Variants in ZSCAN1 observed in about 807,000 individuals in gnomAD.
The protein encoded by ZSCAN1 is zinc finger and SCAN domain-containing protein 1.
In ZSCAN1, 23 loss-of-function variants were observed where a neutral mutation model predicts 23.8. That is an observed-to-expected ratio of 0.97 (90% CI 0.70 to 1.37). The LOEUF (loss-of-function observed/expected upper bound fraction) is 1.37, where lower values mean the gene tolerates loss of function less well. Among genes scored for constraint, ZSCAN1 ranks in the 40% most tolerant of loss-of-function variants. ZSCAN1 has a pLI of 0.00. For missense variants in ZSCAN1, 575 were observed against 554.0 expected, an observed-to-expected ratio of 1.04 and a Z score of -0.38; for synonymous variants, 236 against 232.3, an observed-to-expected ratio of 1.02 and a Z score of -0.15.
chr19:58,052,564 C>G lies in ZSCAN1; in HGVS notation c.540C>G (p.Thr180=), dbSNP rs2073864380. ...AGGAAAGTGAGTGGCTGGAGACTAC[C>G]CAGCTCCAGCAGAGTCTGCACACCA... ...LPEESEWLET[T]QLQQSLHTRA... is the part of the protein sequence containing the mutation. The change falls in exon 5 of 6, where the codon ACC becomes ACG. Residue 180 remains threonine, a synonymous_variant. Coordinates refer to ENST00000282326, the MANE Select transcript of ZSCAN1 (RefSeq NM_182572.4). 1 of 1,613,724 alleles carries G rather than the reference C, an allele frequency of 6.2e-7. No homozygotes were observed. The highest frequency in any genetic ancestry group is 1.3e-5 in the African/African-American group (1 of 74,938).
Position 58,051,383 on chromosome 19 carries a change from C to A in ZSCAN1, c.466-1107C>A, listed in dbSNP as rs550793176. Reference sequence around the variant, plus strand: ...TTTGATAAGAAATAAAAATCAATAACCCAGCCAAACACACCATCCACATAC... The same window carrying A: ...TTTGATAAGAAATAAAAATCAATAAACCAGCCAAACACACCATCCACATAC... On this transcript the variant is annotated intron_variant, in intron 4 of 5. Transcript: ENST00000282326. 3.6e-4 allele frequency among the ~76,000 whole-genome samples: 55 copies of A among 152,248 alleles called. 2 individuals carry two copies. The South Asian group carries it at 0.011, about 31-fold the overall frequency.
rs1192975136 is a variant in ZSCAN1 at position 58,054,578 on chromosome 19, A to G, written c.*527A>G. On this transcript the variant is annotated 3_prime_UTR_variant, in exon 6 of 6. Transcript: ENST00000282326. This position sits in a 1 kb window ranked among gnomAD's most constrained non-coding sequence, Gnocchi z 4.2. ...GTTTTTTTCCTTTTTTGGGTAAAGT[A>G]CATGCAACATAAAATTTACCATTTC... 6.5e-6 allele frequency: 1 copy of G among 153,204 alleles called. No individual in the cohort carries two copies. Among genetic ancestry groups the G allele is most frequent in the African/African-American group, 2.4e-5 (1 of 41,474 alleles). 9.5% of individuals were successfully genotyped at this position (153,204 alleles called of 1,614,324 possible).
chr19:58,048,308 G>T (rs2073838607), intron 4 of ZSCAN1, among the ~76,000 whole-genome samples: 1 of 152,094 alleles, frequency 6.6e-6, no homozygotes, highest in South Asian at 2.1e-4. Context: ...GTTTCAAGCT[G>T]TGTTTCTTAA....
Position 58,053,590 on chromosome 19 carries a change from GA to G in ZSCAN1, c.767del (p.Asp256AlafsTer26). ...TCCCCGAAGGAGAAACAGGAACACT[GA>G]CCAGAGCGGCCGCCACCAGCCATCC... ...ISPRRRNRNT[D>X]QSGRHQPSLK... is the part of the protein sequence containing the mutation. On this transcript the variant is annotated frameshift_variant, in exon 6 of 6. Coordinates refer to ENST00000282326, the MANE Select transcript of ZSCAN1 (RefSeq NM_182572.4). LOFTEE classifies it low-confidence loss of function (END_TRUNC). The surrounding 1 kb of genome is among the most constrained non-coding windows in gnomAD (Gnocchi z 5.8). 6.2e-7 allele frequency: 1 copy of G among 1,614,120 alleles called. No homozygotes were observed.
rs1433608128 is a variant in ZSCAN1 at position 58,052,387 on chromosome 19, C to CAGAG, written c.466-102_466-99dup. 1.9e-6 allele frequency: 3 copies of CAGAG among 1,574,206 alleles called. No homozygotes were observed. In the African/African-American group the frequency reaches 4.1e-5, roughly 21 times the overall value. ...CGCGACACCGCGCACTGCCCTGGGACAGAGCCTTTGGGGATGACGCCCGTT... is the reference window on the plus strand; with the variant it reads ...CGCGACACCGCGCACTGCCCTGGGACAGAGAGAGCCTTTGGGGATGACGCCCGTT... On this transcript the variant is annotated intron_variant, in intron 4 of 5. Transcript: ENST00000282326.
chr19:58,039,187 G>A (rs554146440), intron 3 of ZSCAN1, among the ~76,000 whole-genome samples: 70 of 152,320 alleles, frequency 4.6e-4, no homozygotes, highest in African/African-American at 1.3e-3. Flanking sequence ...CTCAAGGGTA[G>A]CCCTGTAAGC....
intron 4 of ZSCAN1, chr19:58,044,510 C>T (rs985180170): frequency 1.4e-5 from 6 of 429,290 alleles, no homozygotes; most frequent in Admixed American, 4.6e-5. Context: ...GCCACCGAGA[C>T]GGCGAAGAGC....
intron 4 of ZSCAN1, chr19:58,046,642 C>G: frequency 1.2e-6 from 1 of 869,542 alleles, no homozygotes; most frequent in Non-Finnish European, 2.0e-6. Flanking sequence ...GGTGATTGAG[C>G]TGGTGGACAA....
chr19:58,034,472 T>C (rs2123413324), intron 1 of ZSCAN1, among the ~76,000 whole-genome samples: 1 of 152,040 alleles, frequency 6.6e-6, no homozygotes, highest in African/African-American at 2.4e-5. Flanking sequence ...GCCTGTCCGT[T>C]TGAGGCCGAA....
At chr19:58,051,597 C>T (rs1389534779) in intron 4 of ZSCAN1, among the ~76,000 whole-genome samples, 3 of 152,080 alleles carry the variant, frequency 2.0e-5, no homozygotes, top group African/African-American at 4.8e-5. Context: ...CAGCAGAAAG[C>T]GAAGACCCAC....
In ZSCAN1 at chr19:58,037,922, C is replaced by A; in HGVS notation, c.86C>A (p.Ala29Glu). 6.2e-7 allele frequency: 1 copy of A among 1,600,330 alleles called. No homozygotes were observed. Among genetic ancestry groups the A allele is most frequent in the Non-Finnish European group, 8.5e-7 (1 of 1,178,368 alleles). ...PSEQDADPGP[A>E]SPRDTEAQRL... ...GAGCAGGACGCAGACCCTGGGCCAG[C>A]AAGCCCCAGGGACACCGAAGCCCAG... The change falls in exon 3 of 6, where the codon GCA becomes GAA. Residue 29 changes from alanine (A) to glutamate (E), a missense_variant. By Grantham distance (107) the Ala-to-Glu change is moderately radical (BLOSUM62 -1). Transcript: ENST00000282326.
In ZSCAN1 at chr19:58,045,912, G is replaced by A; in HGVS notation, c.465+5368G>A. 2.0e-6 allele frequency: 2 copies of A among 979,596 alleles called. No homozygotes were observed. The highest frequency in any genetic ancestry group is 3.3e-6 in the Non-Finnish European group (2 of 605,742). 60.7% of individuals were successfully genotyped at this position (979,596 alleles called of 1,614,324 possible). A position where few individuals can be genotyped will look rare whatever the true frequency, so the allele number is the denominator to read the frequency against. On this transcript the variant is annotated intron_variant, in intron 4 of 5. Transcript: ENST00000282326. The surrounding 1 kb of genome is among the most constrained non-coding windows in gnomAD (Gnocchi z 4.3). The stretch of plus-strand genomic sequence containing the variant: ...CAGAGATTGTGGCAAAGGAAGCACA[G>A]GTGAAAGTGGCCGAGGTGGAGGGCA...
chr19:58,038,758 C>G lies in ZSCAN1; in HGVS notation c.370+552C>G, dbSNP rs899715233. ...CTGCATCTTTGCCCCTGTGACCCCA[C>G]GTCGAGATTCCATCCACCCAGGGCC... On this transcript the variant is annotated intron_variant, in intron 3 of 5. Transcript: ENST00000282326. 5.9e-5 allele frequency among the ~76,000 whole-genome samples: 9 copies of G among 152,270 alleles called. 1 individual carries two copies. In the South Asian group the frequency reaches 1.9e-3, roughly 31 times the overall value.
chr19:58,037,928 C>T lies in ZSCAN1; in HGVS notation c.92C>T (p.Pro31Leu), dbSNP rs569481076. Residue 31 changes from proline (P) to leucine (L), a missense_variant, in exon 3 of 6, where the codon CCC becomes CTC. Pro to Leu is a moderately conservative substitution (Grantham distance 98, BLOSUM62 -3). Transcript: ENST00000282326. ...GACGCAGACCCTGGGCCAGCAAGCC[C>T]CAGGGACACCGAAGCCCAGCGTCTG... Reference protein sequence around the residue: ...EQDADPGPASPRDTEAQRLRF... With the variant: ...EQDADPGPASLRDTEAQRLRF... 13 of 1,602,218 alleles carry T rather than the reference C, an allele frequency of 8.1e-6. No homozygotes were observed. In the South Asian group the frequency reaches 1.4e-4, roughly 18 times the overall value.
rs938505566 is a variant in ZSCAN1, at chr19:58,037,763, G to A, written c.-74G>A. ...GCTGATTCTGTCCGCCTGCCACACC[G>A]GCTCTGTCCGGAGCCACTGGGACTC... is the stretch of plus-strand genomic sequence containing the variant. On this transcript the variant is annotated 5_prime_UTR_variant, in exon 3 of 6. Transcript: ENST00000282326. 7.0e-7 allele frequency: 1 copy of A among 1,425,500 alleles called. No individual in the cohort carries two copies. 88.3% of individuals were successfully genotyped at this position (1,425,500 alleles called of 1,614,324 possible). A position where few individuals can be genotyped will look rare whatever the true frequency, so the allele number is the denominator to read the frequency against.
At chr19:58,050,892 C>T (rs1373642224) in intron 4 of ZSCAN1, among the ~76,000 whole-genome samples, 1 of 152,188 alleles carries the variant, frequency 6.6e-6, no homozygotes, top group African/African-American at 2.4e-5. Flanking sequence ...ATGCATCTCC[C>T]TCCCGCCTCC....
At chr19:58,034,520 C>G (rs762472431) in intron 1 of ZSCAN1, among the ~76,000 whole-genome samples, 1 of 152,014 alleles carries the variant, frequency 6.6e-6, no homozygotes, top group Non-Finnish European at 1.5e-5. Flanking sequence ...CCAAACACCG[C>G]TCGGCCGCGT....
Position 58,053,900 on chromosome 19 carries a change from A to G in ZSCAN1, c.1076A>G (p.Glu359Gly). ...KKAPRSKGPR[E>G]SVPPRDGAQG... ...GCCCCCCGGAGCAAGGGCCCCCGGG[A>G]GTCCGTCCCACCCAGGGATGGAGCC... Residue 359 changes from glutamate (E) to glycine (G), a missense_variant, in exon 6 of 6, where the codon GAG (glutamate) becomes GGG (glycine). By Grantham distance (98) the Glu-to-Gly change is moderately conservative (BLOSUM62 -2). Transcript: ENST00000282326. The surrounding 1 kb of genome is among the most constrained non-coding windows in gnomAD (Gnocchi z 5.8). 6.2e-7 allele frequency: 1 copy of G among 1,613,120 alleles called. No homozygotes were observed. The highest frequency in any genetic ancestry group is 8.5e-7 in the Non-Finnish European group (1 of 1,179,330).
chr19:58,049,642 A>G lies in ZSCAN1; in HGVS notation c.466-2848A>G, dbSNP rs968642304. 6.6e-6 allele frequency among the ~76,000 whole-genome samples: 1 copy of G among 152,192 alleles called. No homozygotes were observed. Among genetic ancestry groups the G allele is most frequent in the Non-Finnish European group, 1.5e-5 (1 of 68,036 alleles). On this transcript the variant is annotated intron_variant, in intron 4 of 5. Transcript: ENST00000282326. This position sits in a 1 kb window ranked among gnomAD's most constrained non-coding sequence, Gnocchi z 4.5. ...GGGGCTGCCTGAAGCCTGTAAGGGT[A>G]GCTGCCCGAAGCCCTTTGAGGGTAG...
Sources: gnomAD v4.1 joint callset for allele counts (sites outside exome capture counted in the v4.1 genomes callset) on GRCh38, gnomAD v4.1.1 for gene constraint, Gnocchi (gnomAD v3.1) non-coding constraint, MANE v1.5 for transcripts, NCBI Gene and HGNC (gene_info 2026-07-23, HGNC 2026-07-21) for gene names.